Variants in FRY observed in about 807,000 individuals in gnomAD.
The protein encoded by FRY is protein furry homolog.
FRY carries 128 observed loss-of-function variants against 348.4 expected under a neutral mutation model. The observed-to-expected ratio is 0.37, with a 90% confidence interval of 0.32 to 0.43. FRY has a LOEUF of 0.43. Among genes scored for constraint, FRY ranks in the 20% least tolerant of loss-of-function variants. The pLI is 1.00. For synonymous variants in FRY, 1,370 were observed against 1,374.7 expected (o/e 1.00, Z 0.08); for missense variants, 2,736 against 3,695.2 (o/e 0.74, Z 6.73).
chr13:32,277,164 T>A (rs772745758), intron 57 of FRY, among the ~76,000 whole-genome samples: 2 of 152,204 alleles, frequency 1.3e-5, no homozygotes, highest in Non-Finnish European at 2.9e-5. Context: ...ATGTAGTATG[T>A]ATTAAGCCCT....
intron 11 of FRY, among the ~76,000 whole-genome samples, chr13:32,143,258 A>G (rs1880196680): frequency 6.6e-6 from 1 of 152,256 alleles, no homozygotes; most frequent in South Asian, 2.1e-4. Flanking sequence ...CATTTGTGCA[A>G]GAATGGAAGA....
At chr13:32,197,777 G>C (rs915773314) in intron 29 of FRY, among the ~76,000 whole-genome samples, 5 of 152,158 alleles carry the variant, frequency 3.3e-5, no homozygotes, top group African/African-American at 1.2e-4. Flanking sequence ...CTTGAGCTTT[G>C]TCACATAGTA....
At chr13:32,242,716 G>T (rs1385741085) in intron 46 of FRY, among the ~76,000 whole-genome samples, 1 of 152,012 alleles carries the variant, frequency 6.6e-6, no homozygotes, top group Non-Finnish European at 1.5e-5. Context: ...TGTATTTTTA[G>T]TAGAGACTGG....
chr13:32,087,389 T>C (rs1255362479), intron 2 of FRY, among the ~76,000 whole-genome samples: 1 of 152,196 alleles, frequency 6.6e-6, no homozygotes. Context: ...TGTGTGTTGA[T>C]GTTACAAAGC....
chr13:32,165,238 A>C (rs528517915), intron 17 of FRY, among the ~76,000 whole-genome samples: 1 of 152,352 alleles, frequency 6.6e-6, no homozygotes, highest in South Asian at 2.1e-4. Flanking sequence ...GATAATGCAT[A>C]CACAGATTCC....
intron 11 of FRY, among the ~76,000 whole-genome samples, chr13:32,146,595 A>G (rs1475213044): frequency 1.3e-5 from 2 of 152,052 alleles, no homozygotes; most frequent in Non-Finnish European, 2.9e-5. Flanking sequence ...CTGCCTCCCA[A>G]AGTGCTGGGA....
At chr13:32,279,786 A>G (rs1368196906) in intron 58 of FRY, among the ~76,000 whole-genome samples, 5 of 152,200 alleles carry the variant, frequency 3.3e-5, no homozygotes, top group African/African-American at 4.8e-5. Flanking sequence ...TGGAGTGAAC[A>G]TTTTCAACCA....
intron 8 of FRY, 50 bp downstream of exon 8, chr13:32,131,890 C>G (rs1191911215): frequency 7.2e-7 from 1 of 1,397,760 alleles, no homozygotes; most frequent in South Asian, 1.2e-5. Flanking sequence ...GAGCACTTCC[C>G]TTCCTCAAAA....
chr13:32,281,186 G>T (rs1475138601), intron 58 of FRY, among the ~76,000 whole-genome samples: 1 of 152,182 alleles, frequency 6.6e-6, no homozygotes, highest in Non-Finnish European at 1.5e-5. Flanking sequence ...AGGCTTGAGA[G>T]TACAAAAGTA....
Position 32,210,922 on chromosome 13 carries a change from G to A in FRY, c.4479G>A (p.Glu1493=). 6.2e-7 allele frequency: 1 copy of A among 1,613,950 alleles called. No individual in the cohort carries two copies. The highest frequency in any genetic ancestry group is 8.5e-7 in the Non-Finnish European group (1 of 1,179,852). ...ACAACACCATTCAAACCATGGAAGA[G>A]CTTCTCTTTGAGCTGCAGCAGACAG... ...CRNNTIQTME[E]LLFELQQTEP... is the part of the protein sequence containing the mutation. The change falls in exon 34 of 61, where the codon GAG becomes GAA. Residue 1493 remains glutamate, a synonymous_variant. Transcript: ENST00000542859.
rs188622287 is a variant in FRY, at chr13:32,187,161, C to T, written c.3481-385C>T. ...TTCAATACGTTAGTCCAATATTTGT[C>T]GTAAAAGCAAAATTCGAAAAGCTAT... On this transcript the variant is annotated intron_variant, in intron 27 of 60. Coordinates refer to ENST00000542859, the MANE Select transcript of FRY (RefSeq NM_023037.3). 2.2e-4 allele frequency among the ~76,000 whole-genome samples: 33 copies of T among 152,104 alleles called. No homozygotes were observed. The South Asian group carries it at 5.2e-3, about 24-fold the overall frequency.
At position 32,097,418 on chromosome 13, in the gene FRY, G is replaced by A. The variant is rs555984175; in HGVS notation, c.271-4545G>A. On this transcript the variant is annotated intron_variant, in intron 2 of 60. Coordinates refer to ENST00000542859, the MANE Select transcript of FRY (RefSeq NM_023037.3). ...GCTCTGTGGCCCCAGGCTGAGTGCA[G>A]TGGCATGATCTTGGCTCACTGCAAC... Among the ~76,000 whole-genome samples, 3 of 142,436 alleles carry A rather than the reference G, an allele frequency of 2.1e-5. No homozygotes were observed. The South Asian group carries it at 6.7e-4, about 32-fold the overall frequency. 93.4% of individuals were successfully genotyped at this position (142,436 alleles called of 152,430 possible). A position where few individuals can be genotyped will look rare whatever the true frequency, so the allele number is the denominator to read the frequency against.
chr13:32,201,235 T>C (rs1049959053), intron 29 of FRY, among the ~76,000 whole-genome samples: 2 of 152,236 alleles, frequency 1.3e-5, no homozygotes, highest in African/African-American at 4.8e-5. Context: ...TCTGGAACAC[T>C]CCTGTACTAC....
At chr13:32,123,457 T>C (rs1439282729) in intron 4 of FRY, among the ~76,000 whole-genome samples, 1 of 152,144 alleles carries the variant, frequency 6.6e-6, no homozygotes, top group Admixed American at 6.5e-5. Context: ...TGGCAAAAAA[T>C]GTAAGAGAAA....
intron 2 of FRY, among the ~76,000 whole-genome samples, chr13:32,091,256 G>C (rs1876288392): frequency 6.6e-6 from 1 of 152,116 alleles, no homozygotes; most frequent in Non-Finnish European, 1.5e-5. Flanking sequence ...GGTTATCAAG[G>C]GGGCTAAGTC....
chr13:32,215,437 C>T (rs932537911), intron 35 of FRY, among the ~76,000 whole-genome samples: 3 of 152,016 alleles, frequency 2.0e-5, no homozygotes, highest in African/African-American at 4.8e-5. Context: ...TAAAAACTAT[C>T]AGAAAATGTA....
intron 15 of FRY, among the ~76,000 whole-genome samples, chr13:32,156,374 G>T (rs368421647): frequency 2.0e-5 from 3 of 152,092 alleles, no homozygotes; most frequent in Non-Finnish European, 2.9e-5. Context: ...TTGGGAGGCC[G>T]AAACTCCACC....
intron 1 of FRY, among the ~76,000 whole-genome samples, chr13:32,073,280 T>G (rs1266155553): frequency 6.6e-6 from 1 of 152,206 alleles, no homozygotes; most frequent in Admixed American, 6.5e-5. Context: ...TCCACCGGAA[T>G]TGGCACACAG....
intron 58 of FRY, among the ~76,000 whole-genome samples, chr13:32,281,404 A>C (rs1375985866): frequency 6.6e-6 from 1 of 152,224 alleles, no homozygotes; most frequent in African/African-American, 2.4e-5. Context: ...AAAACACTCA[A>C]GAATAATTCC....
Sources: allele counts gnomAD v4.1 joint callset (sites outside exome capture counted in the v4.1 genomes callset), GRCh38; gene constraint gnomAD v4.1.1; transcripts MANE v1.5; gene names NCBI Gene and HGNC (gene_info 2026-07-23, HGNC 2026-07-21).